EGLN2: variants seen among roughly 807,000 people sequenced by gnomAD.
EGLN2 encodes the protein prolyl hydroxylase EGLN2.
A neutral mutation model predicts 38.2 loss-of-function variants in EGLN2; 15 were observed. That is an observed-to-expected ratio of 0.39 (90% CI 0.26 to 0.60). The LOEUF is 0.60. EGLN2 is among the 20% of genes least tolerant of loss of function. EGLN2 has a pLI of 0.50. For synonymous variants in EGLN2, 284 were observed against 237.4 expected (o/e 1.20, Z -1.81); for missense variants, 492 against 570.4 (o/e 0.86, Z 1.40).
chr19:40,803,695 A>G (rs1208927316), intron 2 of EGLN2, among the ~76,000 whole-genome samples: 1 of 152,140 alleles, frequency 6.6e-6, no homozygotes, highest in African/African-American at 2.4e-5. Flanking sequence ...GTTGACCTGT[A>G]GGTGGGAGAG....
chr19:40,801,651 C>CTTTTTTT (rs58809253), intron 2 of EGLN2, among the ~76,000 whole-genome samples: 111 of 102,692 alleles, frequency 1.1e-3, no homozygotes, highest in Non-Finnish European at 1.6e-3. Flanking sequence ...CACAGTGGTT[C>CTTTTTTT]TTTTTTTTTT....
Position 40,801,043 on chromosome 19 carries a change from C to A in EGLN2, c.471C>A (p.Gly157=). ...GCATGAGCTGCAGCTGCAGCAGTGG[C>A]AGTGGTGAGGCCAGTGCTGGGCTGA... ...EGGMSCSCSS[G]SGEASAGLME... is the part of the protein sequence containing the mutation. The change falls in exon 2 of 6, where the codon GGC becomes GGA. Residue 157 remains glycine, a synonymous_variant. Transcript: ENST00000303961. 5.0e-6 allele frequency: 8 copies of A among 1,613,026 alleles called. No individual in the cohort carries two copies. Among genetic ancestry groups the A allele is most frequent in the Non-Finnish European group, 6.8e-6 (8 of 1,179,840 alleles).
chr19:40,806,737 G>T (rs558606448), intron 3 of EGLN2, 63 bp downstream of exon 3: 16 of 1,585,848 alleles, frequency 1.0e-5, no homozygotes, highest in Non-Finnish European at 1.4e-5. Flanking sequence ...GGTGGCGTGC[G>T]TCCACTCCAT....
rs758166309 is a variant in EGLN2, at chr19:40,807,245, C to T, written c.1071C>T (p.Pro357=). ...TTTTCTGGTCTGACCGGCGGAACCC[C>T]CACGAGGTGAAGCCAGCCTATGCCA... ...LLIFWSDRRN[P]HEVKPAYATR... Residue 357 remains proline, a synonymous_variant, in exon 4 of 6, where the codon CCC becomes CCT. Coordinates refer to ENST00000303961, the MANE Select transcript of EGLN2 (RefSeq NM_080732.4). The T allele has an allele frequency of 6.2e-7, 1 of 1,614,194 alleles. No homozygotes were observed.
intron 2 of EGLN2, among the ~76,000 whole-genome samples, chr19:40,802,125 C>G (rs1302450493): frequency 6.6e-6 from 1 of 152,112 alleles, no homozygotes; most frequent in Non-Finnish European, 1.5e-5. Flanking sequence ...TTTGCTGGCC[C>G]ATGTTTCTAG....
rs767449754 is a variant in EGLN2, at chr19:40,807,194, C to A, written c.1020C>A (p.Ile340=). ...AGGGCCGGCCCGTGGTAGCCAACAT[C>A]GAGCCACTCTTTGACCGGTTGCTCA... ...FPEGRPVVAN[I]EPLFDRLLIF... is the part of the protein sequence containing the mutation. The change falls in exon 4 of 6, where the codon ATC becomes ATA. Residue 340 remains isoleucine (I), a synonymous_variant. Coordinates refer to ENST00000303961, the MANE Select transcript of EGLN2 (RefSeq NM_080732.4). The A allele has an allele frequency of 1.9e-6, 3 of 1,614,154 alleles. No homozygotes were observed. The highest frequency in any genetic ancestry group is 2.2e-5 in the South Asian group (2 of 91,086).
chr19:40,806,748 T>C (rs956348382), intron 3 of EGLN2, 74 bp downstream of exon 3: 1 of 1,574,268 alleles, frequency 6.4e-7, no homozygotes, highest in Admixed American at 1.7e-5. Context: ...TCCACTCCAT[T>C]TTCCACTCTC....
chr19:40,801,651 CT>C (rs58809253), intron 2 of EGLN2, among the ~76,000 whole-genome samples: 10,966 of 102,702 alleles, frequency 0.11, 213 homozygotes, highest in Middle Eastern at 0.16. Flanking sequence ...CACAGTGGTT[CT>C]TTTTTTTTTT....
chr19:40,801,383 C>T lies in EGLN2; in HGVS notation c.811C>T (p.Leu271=). ...CGTCATCCGCCACTGCGCAGGGCGG[C>T]TGGGCAGCTATGTCATCAACGGGCG... ...DAVIRHCAGR[L]GSYVINGRTK... The change falls in exon 2 of 6, where the codon CTG becomes TTG. Residue 271 remains leucine (L), a synonymous_variant. Coordinates refer to ENST00000303961, the MANE Select transcript of EGLN2 (RefSeq NM_080732.4). 2 of 1,608,710 alleles carry T rather than the reference C, an allele frequency of 1.2e-6. No individual in the cohort carries two copies. Among genetic ancestry groups the T allele is most frequent in the Non-Finnish European group, 8.5e-7 (1 of 1,179,486 alleles).
Position 40,801,079 on chromosome 19 carries a change from G to T in EGLN2, c.507G>T (p.Ala169=). Residue 169 remains alanine, a synonymous_variant, in exon 2 of 6, where the codon GCG becomes GCT. Transcript: ENST00000303961. The stretch of plus-strand genomic sequence containing the variant: ...CCAGTGCTGGGCTGATGGAGGAGGC[G>T]CTGCCCTCTGCGCCCGAGCGCCTGG... ...GEASAGLMEE[A]LPSAPERLAL... 1 of 1,612,612 alleles carries T rather than the reference G, an allele frequency of 6.2e-7. No homozygotes were observed.
chr19:40,806,463 A>G, intron 2 of EGLN2, 92 bp from the exon 3 acceptor site: 1 of 1,577,788 alleles, frequency 6.3e-7, no homozygotes, highest in Non-Finnish European at 8.6e-7. Context: ...AAGATGGGGC[A>G]AGGAGGGGTG....
rs1271272357 is a variant in EGLN2 at position 40,801,075 on chromosome 19, A to G, written c.503A>G (p.Glu168Gly). Residue 168 changes from glutamate to glycine, a missense_variant, in exon 2 of 6, where the codon GAG becomes GGG. Around this residue, in one of 2 missense-constraint regions of EGLN2, gnomAD observed 378 missense variants for 386.2 expected, o/e 0.98. Transcript: ENST00000303961. ...GAGGCCAGTGCTGGGCTGATGGAGG[A>G]GGCGCTGCCCTCTGCGCCCGAGCGC... ...SGEASAGLMEEALPSAPERLA... is the reference protein window; with the variant it reads ...SGEASAGLMEGALPSAPERLA... The G allele has an allele frequency of 6.2e-7, 1 of 1,612,790 alleles. No homozygotes were observed. Among genetic ancestry groups the G allele is most frequent in the South Asian group, 1.1e-5 (1 of 91,086 alleles).
intron 3 of EGLN2, 40 bp from the exon 4 acceptor site, chr19:40,807,098 T>TGGCC (rs1311487640): frequency 6.2e-7 from 1 of 1,608,520 alleles, no homozygotes; most frequent in Admixed American, 1.7e-5. Flanking sequence ...CAGCGGCTCC[T>TGGCC]GGCCGTACCA....
chr19:40,804,888 A>T (rs1395228420), intron 2 of EGLN2: 1 of 152,228 alleles, frequency 6.6e-6, no homozygotes, highest in Non-Finnish European at 1.5e-5. Flanking sequence ...TCAGCTTCCC[A>T]CTGCTAGGTG....
chr19:40,799,676 C>G (rs558340920), intron 1 of EGLN2: 5 of 152,250 alleles, frequency 3.3e-5, no homozygotes, highest in African/African-American at 1.2e-4. Flanking sequence ...TCTGTCGCCG[C>G]GGACCCTCTC....
chr19:40,800,721 G>C lies in EGLN2; in HGVS notation c.149G>C (p.Cys50Ser). 1 of 1,614,036 alleles carries C rather than the reference G, an allele frequency of 6.2e-7. No individual in the cohort carries two copies. Among genetic ancestry groups the C allele is most frequent in the Non-Finnish European group, 8.5e-7 (1 of 1,180,000 alleles). The change falls in exon 2 of 6, where the codon TGT (cysteine) becomes TCT (serine). Residue 50 changes from cysteine (C) to serine (S), a missense_variant. Physicochemically the swap from Cys to Ser is moderately radical, Grantham distance 112 (BLOSUM62 -1). Transcript: ENST00000303961. ...LPCPLLPSYHCPGVPSEASAG... is the reference protein window; with the variant it reads ...LPCPLLPSYHSPGVPSEASAG... Reference sequence around the variant, plus strand: ...TGTCCCCTGCTCCCCTCCTACCACTGTCCAGGAGTGCCTAGTGAGGCCTCG... The same window carrying C: ...TGTCCCCTGCTCCCCTCCTACCACTCTCCAGGAGTGCCTAGTGAGGCCTCG...
rs1434797157 is a variant in EGLN2 at position 40,800,836 on chromosome 19, G to T, written c.264G>T (p.Leu88=). 6.2e-7 allele frequency: 1 copy of T among 1,612,752 alleles called. No homozygotes were observed. Among genetic ancestry groups the T allele is most frequent in the African/African-American group, 1.3e-5 (1 of 74,950 alleles). ...TTGGCGGGCAGGATGGTGGTGAGCT[G>T]CGGCCGCTGCAGAGTGAAGGCGCTG... is the stretch of plus-strand genomic sequence containing the variant. The part of the protein sequence containing the change: ...DGFGGQDGGE[L]RPLQSEGAAA... The change falls in exon 2 of 6, where the codon CTG becomes CTT. Residue 88 remains leucine, a synonymous_variant. Coordinates refer to ENST00000303961, the MANE Select transcript of EGLN2 (RefSeq NM_080732.4).
Position 40,806,542 on chromosome 19 carries a change from C to G in EGLN2, c.844-13C>G, listed in dbSNP as rs776876871. 4 of 1,614,018 alleles carry G rather than the reference C, an allele frequency of 2.5e-6. No individual in the cohort carries two copies. The highest frequency in any genetic ancestry group is 3.4e-6 in the Non-Finnish European group (4 of 1,179,942). ...CTAGCCCCAGTAAACCTACCTCCCT[C>G]CATCCCTGCCAGGCCATGGTGGCGT... is the stretch of plus-strand genomic sequence containing the variant. On this transcript the variant is annotated splice_polypyrimidine_tract_variant and intron_variant, in intron 2 of 5. Transcript: ENST00000303961.
At chr19:40,805,555 A>T (rs2083295169) in intron 2 of EGLN2, 1 of 152,266 alleles carries the variant, frequency 6.6e-6, no homozygotes. Context: ...CTCATGTGGC[A>T]GCACTGAGAC....
Sources: allele counts gnomAD v4.1 joint callset (sites outside exome capture counted in the v4.1 genomes callset), GRCh38; gene constraint gnomAD v4.1.1; regional missense constraint gnomAD v4.1.1; transcripts MANE v1.5; gene names NCBI Gene and HGNC (gene_info 2026-07-23, HGNC 2026-07-21).